CEP95: variants seen among roughly 807,000 people sequenced by gnomAD.
The protein encoded by CEP95 is centrosomal protein of 95 kDa.
A neutral mutation model predicts 111.2 loss-of-function variants in CEP95; 98 were observed. The ratio of observed to expected loss-of-function variants is 0.88; its 90% CI spans 0.75 to 1.04. The LOEUF is 1.04. Among genes scored for constraint, CEP95 ranks in the 50% least tolerant of loss-of-function variants. The probability of loss-of-function intolerance (pLI) is 0.00; values close to 1 mark genes in which losing one functional copy is unlikely to be tolerated. For synonymous variants in CEP95, 323 were observed against 327.1 expected, an observed-to-expected ratio of 0.99 and a Z score of 0.14; for missense variants, 1,027 against 977.2, an observed-to-expected ratio of 1.05 and a Z score of -0.68.
Position 64,536,717 on chromosome 17 carries a change from T to C in CEP95, c.2186T>C (p.Leu729Pro). ...CAAAGGAGACGCCACCAGGATGAAC[T>C]GGACTCCATGGAGAACTACTATAAG... is the stretch of plus-strand genomic sequence containing the variant. The part of the protein sequence containing the change: ...DEQRRRHQDE[L>P]DSMENYYKDQ... The change falls in exon 18 of 20, where the codon CTG (leucine) becomes CCG (proline). Residue 729 changes from leucine to proline, a missense_variant. Leu to Pro is a moderately conservative substitution (Grantham distance 98, BLOSUM62 -3). Transcript: ENST00000556440. 6.2e-7 allele frequency: 1 copy of C among 1,611,110 alleles called. No individual in the cohort carries two copies. The highest frequency in any genetic ancestry group is 8.5e-7 in the Non-Finnish European group (1 of 1,179,132).
chr17:64,531,849 T>TA, intron 13 of CEP95, 41 bp from the exon 14 acceptor site: 2 of 1,409,574 alleles, frequency 1.4e-6, no homozygotes, highest in Non-Finnish European at 1.9e-6. Flanking sequence ...AAAGAACTGT[T>TA]AGACCTTTTA....
chr17:64,522,997 T>C (rs1214329193), intron 8 of CEP95, 102 bp downstream of exon 8: 3 of 862,864 alleles, frequency 3.5e-6, no homozygotes, highest in East Asian at 5.3e-5. Flanking sequence ...TGTATGTGTA[T>C]TGGTGAAGTC....
chr17:64,511,546 C>A (rs539733529), intron 3 of CEP95, among the ~76,000 whole-genome samples: 2 of 152,338 alleles, frequency 1.3e-5, no homozygotes, highest in African/African-American at 4.8e-5. Context: ...ATTCCCTGAA[C>A]AATTGCTGTT....
Position 64,533,187 on chromosome 17 carries a change from G to T in CEP95, c.1913G>T (p.Arg638Ile). 1.9e-6 allele frequency: 3 copies of T among 1,582,922 alleles called. No individual in the cohort carries two copies. Among genetic ancestry groups the T allele is most frequent in the South Asian group, 1.2e-5 (1 of 85,766 alleles). Residue 638 changes from arginine to isoleucine, a missense_variant, in exon 16 of 20, where the codon AGA (arginine) becomes ATA (isoleucine). Physicochemically the swap from Arg to Ile is moderately conservative, Grantham distance 97. Transcript: ENST00000556440. ...AAGAAAGAATATGAACATAACAAGA[G>T]ACTGGTATGTCAAGAGCAAGTTGGG... Reference protein sequence around the residue: ...LVKKEYEHNKRLQDFKDCIRR... With the variant: ...LVKKEYEHNKILQDFKDCIRR...
chr17:64,519,267 G>T, intron 5 of CEP95, 54 bp from the exon 6 acceptor site: 1 of 1,227,458 alleles, frequency 8.1e-7, no homozygotes, highest in South Asian at 1.2e-5. Context: ...AGGTCCTCAG[G>T]GGAAGGGCCC....
intron 1 of CEP95, chr17:64,508,294 G>A (rs1442093662): frequency 1.1e-5 from 11 of 990,034 alleles, no homozygotes; most frequent in Non-Finnish European, 1.3e-5. Flanking sequence ...AAACACCCAT[G>A]TAAGGCTTAT....
rs782752393 is a variant in CEP95 at position 64,522,864 on chromosome 17, A to G, written c.878A>G (p.Asn293Ser). ...TCAAGTCACTGCTCCCCAGCCGTAA[A>G]TTCTACTGGAGAGCATACGGAATTT... ...LHSSHCSPAV[N>S]STGEHTEFSG... Residue 293 changes from asparagine (N) to serine (S), a missense_variant, in exon 8 of 20, where the codon AAT becomes AGT. Physicochemically the swap from Asn to Ser is conservative, Grantham distance 46. Coordinates refer to ENST00000556440, the MANE Select transcript of CEP95 (RefSeq NM_138363.3). The G allele has an allele frequency of 8.1e-6, 13 of 1,612,616 alleles. No homozygotes were observed. Among genetic ancestry groups the G allele is most frequent in the Non-Finnish European group, 1.0e-5 (12 of 1,179,474 alleles).
At chr17:64,521,060 T>C (rs1034637076) in intron 6 of CEP95, among the ~76,000 whole-genome samples, 3 of 152,008 alleles carry the variant, frequency 2.0e-5, no homozygotes, top group African/African-American at 7.2e-5. Context: ...CTGGCCAACA[T>C]AGTGAAACCC....
chr17:64,534,595 A>C lies in CEP95; in HGVS notation c.1928A>C (p.Lys643Thr), dbSNP rs185494775. The change falls in exon 17 of 20, where the codon AAG (lysine) becomes ACG (threonine). Residue 643 changes from lysine to threonine, a missense_variant. Lys to Thr is a moderately conservative substitution (Grantham distance 78). Coordinates refer to ENST00000556440, the MANE Select transcript of CEP95 (RefSeq NM_138363.3). ...CTTTCCCTTTCTTAGCAAGACTTCA[A>C]GGACTGCATTCGTAGGCAAAGGTTG... The part of the protein sequence containing the change: ...YEHNKRLQDF[K>T]DCIRRQRLTQ... 2 of 1,612,796 alleles carry C rather than the reference A, an allele frequency of 1.2e-6. No homozygotes were observed. Among genetic ancestry groups the C allele is most frequent in the East Asian group, 4.5e-5 (2 of 44,786 alleles).
intron 3 of CEP95, among the ~76,000 whole-genome samples, chr17:64,512,949 C>T (rs187314338): frequency 7.2e-4 from 109 of 152,294 alleles, no homozygotes; most frequent in Admixed American, 1.4e-3. Context: ...TGACAGATTA[C>T]ACCCACCCTA....
At chr17:64,514,139 G>A (rs2039024663) in intron 3 of CEP95, 109 bp from the exon 4 acceptor site, 3 of 517,364 alleles carry the variant, frequency 5.8e-6, no homozygotes, top group Non-Finnish European at 7.1e-6. Context: ...GGTATGTATC[G>A]CCTGTATTCT....
intron 7 of CEP95, 92 bp downstream of exon 7, chr17:64,521,619 T>C: frequency 1.7e-6 from 2 of 1,159,546 alleles, no homozygotes; most frequent in African/African-American, 1.6e-5. Flanking sequence ...TATTGCTGTA[T>C]ATGAGATCCT....
chr17:64,531,739 A>G, intron 13 of CEP95, 151 bp from the exon 14 acceptor site: 2 of 501,940 alleles, frequency 4.0e-6, no homozygotes. Flanking sequence ...ACCAGATTTT[A>G]CAAATTTGAA....
intron 7 of CEP95, among the ~76,000 whole-genome samples, chr17:64,521,765 T>G (rs1348373618): frequency 2.0e-5 from 3 of 152,176 alleles, no homozygotes; most frequent in Non-Finnish European, 4.4e-5. Flanking sequence ...TACCTTTTTT[T>G]TTTAATGGGA....
chr17:64,527,272 C>CTAA lies in CEP95; in HGVS notation c.1306+8_1306+9insTAA, dbSNP rs782722958. ...CAAAGAAGTCAAGGCCAGGTACTTA[C>CTAA]CCCAGAGAGACTGAGAAGGGGGACA... is the stretch of plus-strand genomic sequence containing the variant. On this transcript the variant is annotated intron_variant, in intron 11 of 19. Transcript: ENST00000556440. 6.3e-7 allele frequency: 1 copy of CTAA among 1,594,364 alleles called. No individual in the cohort carries two copies. Among genetic ancestry groups the CTAA allele is most frequent in the Non-Finnish European group, 8.5e-7 (1 of 1,170,856 alleles).
intron 5 of CEP95, among the ~76,000 whole-genome samples, chr17:64,517,513 T>G (rs1181515165): frequency 6.6e-6 from 1 of 152,092 alleles, no homozygotes; most frequent in Non-Finnish European, 1.5e-5. Flanking sequence ...TTTAGTCATA[T>G]GTCTATATAA....
chr17:64,509,464 C>T (rs2038770692), intron 2 of CEP95, among the ~76,000 whole-genome samples: 1 of 152,208 alleles, frequency 6.6e-6, no homozygotes, highest in Non-Finnish European at 1.5e-5. Context: ...GCAGGTGGAT[C>T]ACCTGAGGCC....
At chr17:64,521,214 C>A (rs1039670350) in intron 6 of CEP95, among the ~76,000 whole-genome samples, 188 bp from the exon 7 acceptor site, 1 of 150,914 alleles carries the variant, frequency 6.6e-6, no homozygotes, top group African/African-American at 2.5e-5. Flanking sequence ...TGCAGCCTGG[C>A]GACAAGAGGG....
rs73333920 is a variant in CEP95 at position 64,508,351 on chromosome 17, C to G, written c.20-241C>G. The G allele has an allele frequency of 0.023, 23,108 of 984,738 alleles. 2,241 individuals are homozygous for G. The African/African-American group carries it at 0.28, about 12-fold the overall frequency. 61.0% of individuals were successfully genotyped at this position (984,738 alleles called of 1,614,324 possible). On this transcript the variant is annotated intron_variant, in intron 1 of 19. Transcript: ENST00000556440. ...GCTGCAACAGTATCAATTGAATTTG[C>G]AGTATAGTTTTGACTATGTAGAAAT...
Sources: allele counts gnomAD v4.1 joint callset (sites outside exome capture counted in the v4.1 genomes callset), GRCh38; gene constraint gnomAD v4.1.1; transcripts MANE v1.5; gene names NCBI Gene and HGNC (gene_info 2026-07-23, HGNC 2026-07-21).